Variants in CRTC1 observed in about 807,000 individuals in gnomAD.
CRTC1 encodes the protein CREB-regulated transcription coactivator 1.
A neutral mutation model predicts 66.1 loss-of-function variants in CRTC1; 18 were observed. The observed-to-expected ratio is 0.27, with a 90% CI of 0.19 to 0.40. CRTC1 has a LOEUF of 0.40. CRTC1 is among the 10% of genes least tolerant of loss of function. The pLI is 1.00. For synonymous variants in CRTC1, 416 were observed against 398.8 expected, an observed-to-expected ratio of 1.04 and a Z score of -0.51; for missense variants, 669 against 887.9, an observed-to-expected ratio of 0.75 and a Z score of 3.13.
chr19:18,758,693 AG>A (rs1201344428), intron 6 of CRTC1, among the ~76,000 whole-genome samples: 1 of 152,188 alleles, frequency 6.6e-6, no homozygotes, highest in Non-Finnish European at 1.5e-5. Context: ...GTCAGCCCCA[AG>A]ACAGGGGCAG....
Position 18,768,774 on chromosome 19 carries a change from T to C in CRTC1, c.1301T>C (p.Met434Thr), listed in dbSNP as rs764715621. 1 of 1,602,702 alleles carries C rather than the reference T, an allele frequency of 6.2e-7. No individual in the cohort carries two copies. Among genetic ancestry groups the C allele is most frequent in the South Asian group, 1.1e-5 (1 of 88,796 alleles). Residue 434 changes from methionine (M) to threonine (T), a missense_variant, in exon 10 of 14, where the codon ATG becomes ACG. Around this residue, in one of 8 missense-constraint regions of CRTC1, gnomAD observed 241 missense variants for 242.2 expected, o/e 0.99. Transcript: ENST00000321949. The surrounding 1 kb of genome is among the most constrained non-coding windows in gnomAD (Gnocchi z 5.6). ...SPPENPGQPS[M>T]GIDIASAPAL... Reference sequence around the variant, plus strand: ...CCAGAGAACCCTGGCCAGCCATCGATGGGGATCGACATCGCCTCGGTAAGC... The same window carrying C: ...CCAGAGAACCCTGGCCAGCCATCGACGGGGATCGACATCGCCTCGGTAAGC...
intron 12 of CRTC1, 147 bp downstream of exon 12, chr19:18,775,133 C>G: frequency 1.3e-6 from 1 of 778,024 alleles, no homozygotes; most frequent in Non-Finnish European, 2.1e-6. Flanking sequence ...CGGCCCCCGC[C>G]CCGTCCCATC....
At position 18,782,208 on chromosome 19, in the gene CRTC1, G is replaced by A. The variant is rs1386638665; in HGVS notation, c.*4826G>A. 11 of 229,572 alleles carry A rather than the reference G, an allele frequency of 4.8e-5. No individual in the cohort carries two copies. The highest frequency in any genetic ancestry group is 4.4e-4 in the East Asian group (7 of 15,868). 14.2% of individuals were successfully genotyped at this position (229,572 alleles called of 1,614,324 possible). ...GGCCATGATTGTGGGCGGCCGCAGCGGGCGGGGGCAGGCGGCTCAGGGCAC... is the reference window on the plus strand; with the variant it reads ...GGCCATGATTGTGGGCGGCCGCAGCAGGCGGGGGCAGGCGGCTCAGGGCAC... On this transcript the variant is annotated 3_prime_UTR_variant, in exon 14 of 14. Transcript: ENST00000321949.
intron 2 of CRTC1, among the ~76,000 whole-genome samples, chr19:18,744,491 AACACACACACAC>A (rs56007866): frequency 4.7e-5 from 7 of 148,806 alleles, no homozygotes; most frequent in Admixed American, 3.3e-4. Context: ...CACACACACA[AACACACACACAC>A]ACACACACAT....
chr19:18,759,586 A>C lies in CRTC1; in HGVS notation c.660A>C (p.Gly220=). ...GGCCCAAGTCCTGTGAGGTCCCCGG[A>C]ATCAAGTAAGTCTCCACAGGGCCCA... The part of the protein sequence containing the change: ...GSRPKSCEVP[G]INIFPSADQE... Residue 220 remains glycine (G), a synonymous_variant, in exon 7 of 14, where the codon GGA becomes GGC. Transcript: ENST00000321949. 6.2e-7 allele frequency: 1 copy of C among 1,612,836 alleles called. No individual in the cohort carries two copies.
At chr19:18,686,804 T>A (rs2052693899) in intron 1 of CRTC1, among the ~76,000 whole-genome samples, 1 of 151,870 alleles carries the variant, frequency 6.6e-6, no homozygotes, top group Non-Finnish European at 1.5e-5. Context: ...AGCATTGTTC[T>A]CTTTCTGGGG....
At chr19:18,761,889 A>G (rs2054621866) in intron 8 of CRTC1, among the ~76,000 whole-genome samples, 1 of 152,062 alleles carries the variant, frequency 6.6e-6, no homozygotes, top group Non-Finnish European at 1.5e-5. Context: ...TTGAGGCTGC[A>G]TTCTGACTCC....
rs761525568 is a variant in CRTC1, at chr19:18,768,564, C to G, written c.1091C>G (p.Pro364Arg). The G allele has an allele frequency of 1.9e-6, 3 of 1,599,302 alleles. No individual in the cohort carries two copies. The highest frequency in any genetic ancestry group is 1.3e-5 in the African/African-American group (1 of 74,476). Residue 364 changes from proline to arginine, a missense_variant, in exon 10 of 14, where the codon CCG becomes CGG. Physicochemically the swap from Pro to Arg is moderately radical, Grantham distance 103. Around this residue, in one of 8 missense-constraint regions of CRTC1, gnomAD observed 241 missense variants for 242.2 expected, o/e 0.99. Coordinates refer to ENST00000321949, the MANE Select transcript of CRTC1 (RefSeq NM_015321.3). This position sits in a 1 kb window ranked among gnomAD's most constrained non-coding sequence, Gnocchi z 5.6. ...ACCCAGGCGGGCTCCCAGCAGCCAC[C>G]GCCGCAGCCCCAGCCCCCGCCGCCT... ...FFTQAGSQQPPPQPQPPPPPP... is the reference protein window; with the variant it reads ...FFTQAGSQQPRPQPQPPPPPP...
At chr19:18,759,956 G>GCCCCCTGTCCCCGCCA in intron 7 of CRTC1, 52 bp from the exon 8 acceptor site, 8 of 1,221,302 alleles carry the variant, frequency 6.6e-6, no homozygotes, top group South Asian at 2.9e-5. Context: ...TGTCCCCGCC[G>GCCCCCTGTCCCCGCCA]CCAGCCCCGC....
At chr19:18,747,000 G>C (rs2054254638) in intron 3 of CRTC1, 53 bp from the exon 4 acceptor site, 1 of 1,560,964 alleles carries the variant, frequency 6.4e-7, no homozygotes, top group Non-Finnish European at 8.8e-7. Flanking sequence ...CTGAGAGTGT[G>C]TTGTTGGAGG....
rs557363815 is a variant in CRTC1, at chr19:18,750,430, C to T, written c.538+555C>T. 2.0e-5 allele frequency among the ~76,000 whole-genome samples: 3 copies of T among 152,332 alleles called. No homozygotes were observed. In the East Asian group the frequency reaches 5.8e-4, roughly 29 times the overall value. On this transcript the variant is annotated intron_variant, in intron 5 of 13. Transcript: ENST00000321949. ...AGCTGAGCCATGCACACCCCTGTGG[C>T]GGGGACAGATCTGTACCCAGGTCCT...
At chr19:18,726,601 G>A (rs2053757859) in intron 1 of CRTC1, among the ~76,000 whole-genome samples, 1 of 152,228 alleles carries the variant, frequency 6.6e-6, no homozygotes, top group Admixed American at 6.5e-5. Flanking sequence ...ATGGAATAGG[G>A]TGGGCCCTAA....
At chr19:18,744,491 AACACAC>A (rs56007866) in intron 2 of CRTC1, among the ~76,000 whole-genome samples, 5 of 148,806 alleles carry the variant, frequency 3.4e-5, no homozygotes, top group East Asian at 4.0e-4. Context: ...CACACACACA[AACACAC>A]ACACACACAC....
chr19:18,720,797 C>T (rs1175615223), intron 1 of CRTC1, among the ~76,000 whole-genome samples: 9 of 152,152 alleles, frequency 5.9e-5, no homozygotes, highest in African/African-American at 1.9e-4. Flanking sequence ...CTGCTGCACC[C>T]GGCTGAGTTT....
At chr19:18,762,514 T>C (rs1293791129) in intron 8 of CRTC1, among the ~76,000 whole-genome samples, 1 of 152,222 alleles carries the variant, frequency 6.6e-6, no homozygotes, top group African/African-American at 2.4e-5. Flanking sequence ...GACAGAGGCC[T>C]TCGCGGCCGA....
intron 5 of CRTC1, among the ~76,000 whole-genome samples, chr19:18,752,635 CTCTT>C (rs1207099782): frequency 5.3e-5 from 8 of 150,982 alleles, no homozygotes; most frequent in East Asian, 2.0e-4. Context: ...CTCTTTGTCT[CTCTT>C]TCTTTCTTTT....
At chr19:18,696,931 TG>T (rs2053003904) in intron 1 of CRTC1, among the ~76,000 whole-genome samples, 1 of 71,168 alleles carries the variant, frequency 1.4e-5, no homozygotes, top group African/African-American at 5.5e-5. Context: ...AGGGGAGGGG[TG>T]GGGGGTAGGA....
chr19:18,761,210 G>A (rs1267607948), intron 8 of CRTC1, among the ~76,000 whole-genome samples: 2 of 152,336 alleles, frequency 1.3e-5, no homozygotes, highest in Non-Finnish European at 2.9e-5. Flanking sequence ...CTCTACTGCC[G>A]CGTTGCTTTC....
chr19:18,737,131 T>C (rs567692360), intron 1 of CRTC1, among the ~76,000 whole-genome samples: 2 of 151,502 alleles, frequency 1.3e-5, no homozygotes, highest in East Asian at 2.0e-4. Context: ...TTAGCAGGAG[T>C]GTGGACGTGG....
Sources: gnomAD v4.1 joint callset for allele counts (sites outside exome capture counted in the v4.1 genomes callset) on GRCh38, gnomAD v4.1.1 for gene constraint, gnomAD v4.1.1 regional missense constraint, Gnocchi (gnomAD v3.1) non-coding constraint, MANE v1.5 for transcripts, NCBI Gene and HGNC (gene_info 2026-07-23, HGNC 2026-07-21) for gene names.